Variants in DNAH14 observed in about 807,000 individuals in gnomAD.
DNAH14 encodes the protein dynein axonemal heavy chain 14, also known as axonemal beta dynein heavy chain 14.
Under a neutral mutation model 520.9 loss-of-function variants are expected in DNAH14, and 478 were observed. That is an observed-to-expected ratio of 0.92 (90% CI 0.85 to 0.99). The LOEUF (loss-of-function observed/expected upper bound fraction) is 0.99, where lower values mean the gene tolerates loss of function less well. DNAH14 is among the 50% of genes least tolerant of loss of function. The pLI is 0.00. For missense variants in DNAH14, 4,831 were observed against 5,234.5 expected (o/e 0.92, Z 2.38); for synonymous variants, 1,581 against 1,757.2 (o/e 0.90, Z 2.51).
At chr1:225,284,485 T>C (rs2093694059) in intron 54 of DNAH14, among the ~76,000 whole-genome samples, 1 of 152,132 alleles carries the variant, frequency 6.6e-6, no homozygotes, top group African/African-American at 2.4e-5. Flanking sequence ...TAAGGAGATT[T>C]AATTAGGAAT....
chr1:225,133,652 A>G (rs7548138), intron 27 of DNAH14, among the ~76,000 whole-genome samples: 39,029 of 151,972 alleles, frequency 0.26, 7,683 homozygotes, highest in African/African-American at 0.55. Flanking sequence ...TTTGAAGTCA[A>G]GTAGTGTGAT....
chr1:225,338,119 A>G lies in DNAH14; in HGVS notation c.10370A>G (p.Gln3457Arg). ...GCAATTCTGAAAAAGGATATCTATC[A>G]GAAAAAAGGACACTATTTCATAAGG... ...LKAILKKDIYQKKGHYFIRVG... is the reference protein window; with the variant it reads ...LKAILKKDIYRKKGHYFIRVG... Residue 3457 changes from glutamine to arginine, a missense_variant, in exon 68 of 86, where the codon CAG becomes CGG. Transcript: ENST00000682510. 2 of 1,551,744 alleles carry G rather than the reference A, an allele frequency of 1.3e-6. No individual in the cohort carries two copies. The highest frequency in any genetic ancestry group is 1.7e-6 in the Non-Finnish European group (2 of 1,146,940).
chr1:225,239,791 A>G (rs985449004), intron 42 of DNAH14, among the ~76,000 whole-genome samples: 2 of 152,254 alleles, frequency 1.3e-5, no homozygotes, highest in African/African-American at 2.4e-5. Context: ...GAAATTTCAG[A>G]TAGAATTGTA....
intron 27 of DNAH14, among the ~76,000 whole-genome samples, chr1:225,131,177 C>G (rs1423600501): frequency 6.6e-6 from 1 of 152,060 alleles, no homozygotes. Flanking sequence ...TTAAAGATGT[C>G]ACTATATTGT....
At chr1:225,335,150 CAT>C (rs2094904615) in intron 66 of DNAH14, among the ~76,000 whole-genome samples, 2 of 86,230 alleles carry the variant, frequency 2.3e-5, no homozygotes, top group Non-Finnish European at 4.8e-5. Context: ...CACATGTGTA[CAT>C]GTGTGCATGT....
At chr1:225,229,666 G>A (rs2090906841) in intron 41 of DNAH14, among the ~76,000 whole-genome samples, 1 of 151,620 alleles carries the variant, frequency 6.6e-6, no homozygotes, top group South Asian at 2.1e-4. Flanking sequence ...ACTAACACAG[G>A]AACAGAAAAC....
At position 225,192,868 on chromosome 1, in the gene DNAH14, A is replaced by T. The variant is rs1262734372; in HGVS notation, c.5843A>T (p.Asp1948Val). 1.9e-6 allele frequency: 3 copies of T among 1,545,614 alleles called. No homozygotes were observed. The highest frequency in any genetic ancestry group is 8.8e-7 in the Non-Finnish European group (1 of 1,142,422). The change falls in exon 38 of 86, where the codon GAC becomes GTC. Residue 1948 changes from aspartate (D) to valine (V), a missense_variant. Asp to Val is a radical substitution (Grantham distance 152). Transcript: ENST00000682510. Reference sequence around the variant, plus strand: ...AACACACCAAAGAACACAAAGAAAGACATTGATCTCAGACTAAAGTCAAGA... The same window carrying T: ...AACACACCAAAGAACACAAAGAAAGTCATTGATCTCAGACTAAAGTCAAGA... ...YFNTPKNTKKDIDLRLKSRIS... is the reference protein window; with the variant it reads ...YFNTPKNTKKVIDLRLKSRIS...
chr1:225,100,557 A>G (rs2075362337), intron 22 of DNAH14, among the ~76,000 whole-genome samples, 156 bp from the exon 23 acceptor site: 1 of 152,198 alleles, frequency 6.6e-6, no homozygotes, highest in Non-Finnish European at 1.5e-5. Flanking sequence ...CTTGTACATA[A>G]TAGGCACTTA....
At chr1:225,194,426 G>A (rs1221604089) in intron 38 of DNAH14, among the ~76,000 whole-genome samples, 1 of 151,766 alleles carries the variant, frequency 6.6e-6, no homozygotes, top group Non-Finnish European at 1.5e-5. Context: ...AAAATAAGCA[G>A]TGGCAAAAGG....
intron 55 of DNAH14, among the ~76,000 whole-genome samples, chr1:225,291,517 A>T (rs773502607): frequency 9.2e-5 from 14 of 152,126 alleles, no homozygotes; most frequent in Non-Finnish European, 2.1e-4. Flanking sequence ...CCGAGGCTCA[A>T]GTGATCCTCC....
chr1:225,266,752 GA>G lies in DNAH14; in HGVS notation c.7529del (p.Asn2510IlefsTer11). On this transcript the variant is annotated frameshift_variant, in exon 49 of 86. Transcript: ENST00000682510. LOFTEE classifies it high-confidence loss of function. ...LLDLGGVYDT[E>X]KNTWKNIQDL... ...AGATTTGGGAGGAGTTTATGATACT[GA>G]AAAAAATACATGGAAGGTACAGTAT... is the stretch of plus-strand genomic sequence containing the variant. 2.0e-6 allele frequency: 3 copies of G among 1,511,608 alleles called. No homozygotes were observed. Among genetic ancestry groups the G allele is most frequent in the Admixed American group, 2.6e-5 (1 of 38,310 alleles). 93.6% of individuals were successfully genotyped at this position (1,511,608 alleles called of 1,614,324 possible).
intron 39 of DNAH14, among the ~76,000 whole-genome samples, chr1:225,204,880 T>C (rs1331197199): frequency 6.6e-6 from 1 of 152,164 alleles, no homozygotes; most frequent in East Asian, 1.9e-4. Flanking sequence ...TTACTGAATA[T>C]TTGTGTGTTA....
At chr1:225,240,557 T>C in intron 42 of DNAH14, 36 bp from the exon 43 acceptor site, 1 of 1,263,172 alleles carries the variant, frequency 7.9e-7, no homozygotes, top group South Asian at 1.5e-5. Context: ...TTTCTAAAAA[T>C]GTTAACCTTC....
chr1:225,247,461 A>C (rs970926925), intron 43 of DNAH14, among the ~76,000 whole-genome samples: 1 of 151,880 alleles, frequency 6.6e-6, no homozygotes, highest in African/African-American at 2.4e-5. Flanking sequence ...TCAAAGAAAG[A>C]ATTAGTAAGT....
chr1:224,931,679 C>T (rs1199517622), intron 1 of DNAH14, among the ~76,000 whole-genome samples: 1 of 152,162 alleles, frequency 6.6e-6, no homozygotes, highest in East Asian at 1.9e-4. Flanking sequence ...AATTTTGTAG[C>T]TCCCACATAT....
chr1:225,129,751 G>A (rs1373066251), intron 27 of DNAH14, among the ~76,000 whole-genome samples: 1 of 151,992 alleles, frequency 6.6e-6, no homozygotes, highest in Non-Finnish European at 1.5e-5. Context: ...TCAGGACATA[G>A]GCATGGGCAA....
intron 1 of DNAH14, among the ~76,000 whole-genome samples, chr1:224,947,619 T>C (rs1158185617): frequency 1.3e-5 from 2 of 152,142 alleles, no homozygotes; most frequent in Admixed American, 1.3e-4. Flanking sequence ...TTTTACTTTT[T>C]CTAACTTCTT....
intron 21 of DNAH14, among the ~76,000 whole-genome samples, chr1:225,091,517 C>T (rs1015559096): frequency 2.6e-5 from 4 of 152,120 alleles, no homozygotes; most frequent in Admixed American, 6.5e-5. Flanking sequence ...AGATCATTTT[C>T]GGACAAGCAA....
At position 225,308,297 on chromosome 1, in the gene DNAH14, CT is replaced by C. The variant is rs2094291155; in HGVS notation, c.9128del (p.Leu3043GlnfsTer11). On this transcript the variant is annotated frameshift_variant, in exon 60 of 86. Coordinates refer to ENST00000682510, the MANE Select transcript of DNAH14 (RefSeq NM_001367479.1). LOFTEE classifies it high-confidence loss of function. ...VEQKTKETET[L>X]MEKLRKDSQV... is the part of the protein sequence containing the mutation. ...TGTGCTTCATTAGGAAACAGAAACT[CT>C]AATGGAAAAACTACGGAAAGATTCA... 6.5e-7 allele frequency: 1 copy of C among 1,538,578 alleles called. No homozygotes were observed. The highest frequency in any genetic ancestry group is 8.7e-7 in the Non-Finnish European group (1 of 1,143,824).
Sources: allele counts gnomAD v4.1 joint callset (sites outside exome capture counted in the v4.1 genomes callset), GRCh38; gene constraint gnomAD v4.1.1; transcripts MANE v1.5; gene names NCBI Gene and HGNC (gene_info 2026-07-23, HGNC 2026-07-21).